Variants in SCIN observed in about 807,000 individuals in gnomAD.
The protein encoded by SCIN is adseverin.
SCIN carries 91 observed loss-of-function variants against 91.8 expected under a neutral mutation model. The observed-to-expected ratio is 0.99, with a 90% CI of 0.84 to 1.18. The LOEUF (loss-of-function observed/expected upper bound fraction) is 1.18, where lower values mean the gene tolerates loss of function less well. Ranked by LOEUF, SCIN falls within the 50% of genes most tolerant of loss-of-function variation. SCIN has a pLI of 0.00. For synonymous variants in SCIN, 367 were observed against 312.6 expected (o/e 1.17, Z -1.84); for missense variants, 1,087 against 863.9 (o/e 1.26, Z -3.24).
chr7:12,644,490 C>T (rs2115298276), intron 12 of SCIN, 94 bp from the exon 13 acceptor site: 1 of 1,520,586 alleles, frequency 6.6e-7, no homozygotes, highest in South Asian at 1.3e-5. Flanking sequence ...TTTCTCAACA[C>T]TGAAATCAAG....
chr7:12,609,459 C>A (rs1393368822), intron 4 of SCIN, among the ~76,000 whole-genome samples: 1 of 151,792 alleles, frequency 6.6e-6, no homozygotes, highest in Non-Finnish European at 1.5e-5. Context: ...GCCCTAAGGT[C>A]CCAAACTTTA....
intron 2 of SCIN, among the ~76,000 whole-genome samples, chr7:12,580,001 A>G (rs1782455607): frequency 6.6e-6 from 1 of 152,200 alleles, no homozygotes; most frequent in Admixed American, 6.5e-5. Context: ...CAGTCGTTGT[A>G]AAATTATGGA....
At chr7:12,629,303 G>C (rs138836163) in intron 9 of SCIN, 81 bp downstream of exon 9, 3 of 1,296,350 alleles carry the variant, frequency 2.3e-6, no homozygotes, top group Middle Eastern at 1.9e-4. Flanking sequence ...GCATTATGGG[G>C]TAGAATAATC....
At position 12,581,154 on chromosome 7, in the gene SCIN, C is replaced by G; in HGVS notation, c.449C>G (p.Ala150Gly). ...LHVKGRRVVRATEVPLSWDSF... is the reference protein window; with the variant it reads ...LHVKGRRVVRGTEVPLSWDSF... ...GTGAAGGGTCGTAGAGTGGTGAGAG[C>G]CACAGAAGTTCCCCTTAGCTGGGAC... Residue 150 changes from alanine to glycine, a missense_variant, in exon 3 of 16, where the codon GCC becomes GGC. Ala to Gly is a moderately conservative substitution (Grantham distance 60, BLOSUM62 0). Transcript: ENST00000297029. 1.9e-6 allele frequency: 3 copies of G among 1,551,464 alleles called. No homozygotes were observed. Among genetic ancestry groups the G allele is most frequent in the Non-Finnish European group, 2.6e-6 (3 of 1,146,830 alleles).
intron 3 of SCIN, among the ~76,000 whole-genome samples, chr7:12,589,951 T>C (rs1782683186): frequency 6.6e-6 from 1 of 152,130 alleles, no homozygotes; most frequent in Admixed American, 6.6e-5. Flanking sequence ...CCATGGTTTT[T>C]GGACTTCAAG....
rs372539318 is a variant in SCIN at position 12,591,906 on chromosome 7, C to A, written c.516+10685C>A. On this transcript the variant is annotated intron_variant, in intron 3 of 15. Transcript: ENST00000297029. ...GGGGAGACCCTATACCCTTTGATAG[C>A]GAGAAAGTTTAAGAGAGCAGTGGCC... Among the ~76,000 whole-genome samples the A allele has an allele frequency of 3.5e-4, 53 of 152,076 alleles. 2 individuals carry two copies. In the East Asian group the frequency reaches 9.8e-3, roughly 28 times the overall value.
At chr7:12,646,473 C>T (rs1015215759) in intron 13 of SCIN, among the ~76,000 whole-genome samples, 2 of 152,168 alleles carry the variant, frequency 1.3e-5, no homozygotes, top group African/African-American at 4.8e-5. Context: ...GGCCCCACCT[C>T]CTACTACCAT....
intron 3 of SCIN, among the ~76,000 whole-genome samples, chr7:12,593,091 G>A (rs1358116341): frequency 1.3e-5 from 2 of 152,230 alleles, no homozygotes; most frequent in African/African-American, 4.8e-5. Flanking sequence ...CAGACTTCCA[G>A]TGCCCATCTG....
intron 10 of SCIN, 47 bp downstream of exon 10, chr7:12,636,182 T>C (rs1653715123): frequency 7.2e-7 from 1 of 1,384,842 alleles, no homozygotes; most frequent in Admixed American, 1.8e-5. Context: ...AAAGTCTTGC[T>C]AGCTCAATGG....
intron 4 of SCIN, among the ~76,000 whole-genome samples, chr7:12,619,776 C>T (rs146516339): frequency 3.3e-5 from 5 of 151,980 alleles, no homozygotes; most frequent in Non-Finnish European, 7.4e-5. Context: ...GGGTTTCAGA[C>T]AGAAGTTTTG....
At chr7:12,618,250 T>G (rs1783338065) in intron 4 of SCIN, among the ~76,000 whole-genome samples, 1 of 152,162 alleles carries the variant, frequency 6.6e-6, no homozygotes, top group African/African-American at 2.4e-5. Context: ...CAGGTACTCA[T>G]TAGCTACAAA....
At chr7:12,605,418 C>G (rs1415160428) in intron 4 of SCIN, among the ~76,000 whole-genome samples, 1 of 152,046 alleles carries the variant, frequency 6.6e-6, no homozygotes, top group African/African-American at 2.4e-5. Context: ...GTTGAGTATC[C>G]CTTTTCCAAA....
chr7:12,578,920 T>TTTTTTTTTTTTTTTC (rs1782433028), intron 2 of SCIN, among the ~76,000 whole-genome samples: 1 of 146,386 alleles, frequency 6.8e-6, no homozygotes, highest in African/African-American at 2.6e-5. Context: ...TTTTTTTTTT[T>TTTTTTTTTTTTTTTC]TTTTGGCATC....
intron 1 of SCIN, among the ~76,000 whole-genome samples, chr7:12,576,166 T>G (rs920031010): frequency 1.3e-5 from 2 of 152,168 alleles, no homozygotes; most frequent in Non-Finnish European, 2.9e-5. Context: ...AGCATCTCTC[T>G]TAAGGCATCA....
Position 12,606,474 on chromosome 7 carries a change from G to A in SCIN, c.666+1811G>A, listed in dbSNP as rs535068275. Among the ~76,000 whole-genome samples the A allele has an allele frequency of 1.3e-4, 20 of 152,212 alleles. No individual in the cohort carries two copies. In the South Asian group the frequency reaches 1.7e-3, roughly 13 times the overall value. ...ATTATATGAAATAACTTTATGTATTGTAATGTCTTTAAACTTTATTGCTTT... is the reference window on the plus strand; with the variant it reads ...ATTATATGAAATAACTTTATGTATTATAATGTCTTTAAACTTTATTGCTTT... On this transcript the variant is annotated intron_variant, in intron 4 of 15. Coordinates refer to ENST00000297029, the MANE Select transcript of SCIN (RefSeq NM_001112706.3).
rs1344009079 is a variant in SCIN at position 12,654,386 on chromosome 7, T to C, written c.*1671T>C. 1 of 152,152 alleles carries C rather than the reference T, an allele frequency of 6.6e-6. No homozygotes were observed. Among genetic ancestry groups the C allele is most frequent in the Non-Finnish European group, 1.5e-5 (1 of 68,012 alleles). The allele number at this position is 152,152 out of a possible 1,614,324, so 9.4% of individuals were successfully genotyped here. A position where few individuals can be genotyped will look rare whatever the true frequency, so the allele number is the denominator to read the frequency against. ...TGACCATGTGACCCAATTCTGACATTTGCCTAAAGGAAAATTTACCTAAAA... is the reference window on the plus strand; with the variant it reads ...TGACCATGTGACCCAATTCTGACATCTGCCTAAAGGAAAATTTACCTAAAA... On this transcript the variant is annotated 3_prime_UTR_variant, in exon 16 of 16. Coordinates refer to ENST00000297029, the MANE Select transcript of SCIN (RefSeq NM_001112706.3).
chr7:12,651,856 G>A lies in SCIN; in HGVS notation c.1975G>A (p.Gly659Ser), dbSNP rs529273235. 2 of 1,595,230 alleles carry A rather than the reference G, an allele frequency of 1.3e-6. No individual in the cohort carries two copies. Among genetic ancestry groups the A allele is most frequent in the African/African-American group, 2.7e-5 (2 of 74,744 alleles). ...CATTTTTCAGATATTTATTTGGATT[G>A]GCAAAGATGCTAATGAAGTTGAGAA... ...DAWEQIFIWI[G>S]KDANEVEKKE... Residue 659 changes from glycine to serine, a missense_variant, in exon 15 of 16, where the codon GGC becomes AGC. Physicochemically the swap from Gly to Ser is moderately conservative, Grantham distance 56 (BLOSUM62 0). Coordinates refer to ENST00000297029, the MANE Select transcript of SCIN (RefSeq NM_001112706.3). This position sits in a 1 kb window ranked among gnomAD's most constrained non-coding sequence, Gnocchi z 5.9.
At chr7:12,647,375 C>T (rs546776092) in intron 13 of SCIN, among the ~76,000 whole-genome samples, 3 of 152,274 alleles carry the variant, frequency 2.0e-5, no homozygotes, top group African/African-American at 7.2e-5. Context: ...AGGCTTTACA[C>T]GTGTAGATTC....
intron 5 of SCIN, 144 bp from the exon 6 acceptor site, chr7:12,624,866 T>C (rs747769378): frequency 9.8e-5 from 66 of 674,430 alleles, no homozygotes; most frequent in Non-Finnish European, 1.4e-4. Context: ...TTATACACCA[T>C]AAAATTCTTG....
Sources: gnomAD v4.1 joint callset for allele counts (sites outside exome capture counted in the v4.1 genomes callset) on GRCh38, gnomAD v4.1.1 for gene constraint, Gnocchi (gnomAD v3.1) non-coding constraint, MANE v1.5 for transcripts, NCBI Gene and HGNC (gene_info 2026-07-23, HGNC 2026-07-21) for gene names.